Variants in RNF115 observed in about 807,000 individuals in gnomAD.
RNF115 encodes the protein E3 ubiquitin-protein ligase RNF115.
RNF115 carries 31 observed loss-of-function variants against 39.2 expected under a neutral mutation model. The ratio of observed to expected loss-of-function variants is 0.79; its 90% CI spans 0.59 to 1.07. RNF115 has a LOEUF of 1.07. Among genes scored for constraint, RNF115 ranks in the 50% least tolerant of loss-of-function variants. RNF115 has a pLI of 0.00. For synonymous variants in RNF115, 124 were observed against 131.0 expected (o/e 0.95, Z 0.37); for missense variants, 384 against 381.7 (o/e 1.01, Z -0.05).
At chr1:145,795,078 T>C (rs1648905870) in intron 1 of RNF115, among the ~76,000 whole-genome samples, 1 of 151,254 alleles carries the variant, frequency 6.6e-6, no homozygotes, top group African/African-American at 2.4e-5. Context: ...TGTTCAGATG[T>C]GTCTGGGGTT....
chr1:145,767,604 T>TG (rs1232852028), intron 4 of RNF115, among the ~76,000 whole-genome samples: 4 of 152,158 alleles, frequency 2.6e-5, no homozygotes, highest in East Asian at 1.9e-4. Flanking sequence ...CTCGGCACTT[T>TG]GGGGGGCCAA....
At chr1:145,764,832 G>A (rs1473923076) in intron 4 of RNF115, among the ~76,000 whole-genome samples, 1 of 151,174 alleles carries the variant, frequency 6.6e-6, no homozygotes, top group Non-Finnish European at 1.5e-5. Context: ...CAGCCGCCCC[G>A]TCCGGGAGGT....
rs1571707739 is a variant in RNF115, at chr1:145,752,583, C to CCCTTTTTTT, written c.500+394_500+395insAAAAAAAGG. 5.0e-5 allele frequency among the ~76,000 whole-genome samples: 3 copies of CCCTTTTTTT among 60,444 alleles called. No homozygotes were observed. The East Asian group carries it at 2.1e-3, about 41-fold the overall frequency. 39.7% of individuals were successfully genotyped at this position (60,444 alleles called of 152,430 possible). On this transcript the variant is annotated intron_variant, in intron 5 of 8. Coordinates refer to ENST00000582693, the MANE Select transcript of RNF115 (RefSeq NM_014455.4). ...TACATCTACATACTCACCTATGCAGCTCTTTTTTTTTTTTTTTTTTTTTGA... is the reference window on the plus strand; with the variant it reads ...TACATCTACATACTCACCTATGCAGCCCTTTTTTTTCTTTTTTTTTTTTTTTTTTTTTGA...
At chr1:145,790,694 AGTG>A (rs1426124931) in intron 1 of RNF115, among the ~76,000 whole-genome samples, 1 of 152,190 alleles carries the variant, frequency 6.6e-6, no homozygotes, top group South Asian at 2.1e-4. Flanking sequence ...GGCCTCCTAA[AGTG>A]GTGGGATTAC....
At chr1:145,800,966 C>G (rs587709418) in intron 1 of RNF115, among the ~76,000 whole-genome samples, 2 of 152,112 alleles carry the variant, frequency 1.3e-5, no homozygotes, top group African/African-American at 2.4e-5. Context: ...GTCAGGAGAT[C>G]GAGACCATCC....
Position 145,772,907 on chromosome 1 carries a change from T to C in RNF115, c.220-988A>G, listed in dbSNP as rs782034293. ...TCATTTTTCTTCAGTCTTTTAAATG[T>C]GTGCTCTTCAAACTATATAATTTCA... is the stretch of plus-strand genomic sequence containing the variant. On this transcript the variant is annotated intron_variant, in intron 3 of 8. Coordinates refer to ENST00000582693, the MANE Select transcript of RNF115 (RefSeq NM_014455.4). 2.6e-5 allele frequency: 4 copies of C among 152,232 alleles called. No homozygotes were observed. The East Asian group carries it at 7.7e-4, about 29-fold the overall frequency. The allele number at this position is 152,232 out of a possible 1,614,324, so 9.4% of individuals were successfully genotyped here.
chr1:145,817,602 CAT>C (rs1650047385), intron 1 of RNF115, among the ~76,000 whole-genome samples: 1 of 138,428 alleles, frequency 7.2e-6, no homozygotes, highest in African/African-American at 2.6e-5. Flanking sequence ...GTTTTCTACA[CAT>C]ATTTTTTTTG....
intron 1 of RNF115, among the ~76,000 whole-genome samples, chr1:145,813,009 AT>A (rs1482162137): frequency 7.9e-6 from 1 of 126,038 alleles, no homozygotes; most frequent in Non-Finnish European, 1.8e-5. Flanking sequence ...AAAAAGAATA[AT>A]TTTTCAGCAC....
At chr1:145,753,715 T>A (rs139853265) in intron 4 of RNF115, among the ~76,000 whole-genome samples, 41 of 152,272 alleles carry the variant, frequency 2.7e-4, no homozygotes, top group African/African-American at 9.4e-4. Flanking sequence ...CTGGATGATA[T>A]GCAATTTTTT....
At chr1:145,808,996 T>C (rs1304576371) in intron 1 of RNF115, among the ~76,000 whole-genome samples, 2 of 152,202 alleles carry the variant, frequency 1.3e-5, no homozygotes, top group African/African-American at 4.8e-5. Flanking sequence ...ATCAGCTGTT[T>C]ATCTGAAAGG....
intron 3 of RNF115, among the ~76,000 whole-genome samples, chr1:145,774,591 T>C (rs1236493556): frequency 6.6e-6 from 1 of 152,138 alleles, no homozygotes; most frequent in Admixed American, 6.5e-5. Context: ...CCTCAAGTGA[T>C]CCGCCCACCT....
chr1:145,770,705 C>A (rs1484743824), intron 4 of RNF115, among the ~76,000 whole-genome samples: 2 of 152,144 alleles, frequency 1.3e-5, no homozygotes, highest in Non-Finnish European at 2.9e-5. Context: ...AGCAATAGCA[C>A]CTATTACTTC....
At chr1:145,782,844 G>T (rs1190061516) in intron 3 of RNF115, among the ~76,000 whole-genome samples, 1 of 152,222 alleles carries the variant, frequency 6.6e-6, no homozygotes, top group African/African-American at 2.4e-5. Context: ...TCCAGGACTG[G>T]CAAACAGAAT....
chr1:145,743,796 AAAT>A lies in RNF115; in HGVS notation c.*3067_*3069del, dbSNP rs1657766347. 4.2e-4 allele frequency: 20 copies of A among 48,088 alleles called. No homozygotes were observed. Among genetic ancestry groups the A allele is most frequent in the South Asian group, 1.1e-3 (1 of 882 alleles). The allele number at this position is 48,088 out of a possible 1,614,324, so 3.0% of individuals were successfully genotyped here. A position where few individuals can be genotyped will look rare whatever the true frequency, so the allele number is the denominator to read the frequency against. On this transcript the variant is annotated 3_prime_UTR_variant, in exon 9 of 9. Transcript: ENST00000582693. ...CCTCCATCTCAAAAAATAAATAAAT[AAAT>A]AAATAAATAAATAAATAATAATAAT...
chr1:145,750,737 C>T (rs1318252703), intron 6 of RNF115, among the ~76,000 whole-genome samples: 1 of 152,078 alleles, frequency 6.6e-6, no homozygotes, highest in Non-Finnish European at 1.5e-5. Flanking sequence ...ATTGCAAGGC[C>T]CACCTCTAGG....
intron 1 of RNF115, among the ~76,000 whole-genome samples, chr1:145,816,504 A>T (rs1263227215): frequency 3.2e-5 from 3 of 93,398 alleles, no homozygotes; most frequent in East Asian, 3.2e-4. Context: ...ATGTGGCTTT[A>T]AAAAAAAAGG....
chr1:145,773,878 A>T (rs1553716127), intron 3 of RNF115: 1 of 151,902 alleles, frequency 6.6e-6, no homozygotes, highest in African/African-American at 2.4e-5. Context: ...AGAACACAGA[A>T]TCCCTCAGGA....
chr1:145,793,323 TAATAAC>T (rs1648764076), intron 1 of RNF115, among the ~76,000 whole-genome samples: 1 of 152,126 alleles, frequency 6.6e-6, no homozygotes, highest in Non-Finnish European at 1.5e-5. Context: ...TATCAAAAAA[TAATAAC>T]AATAATATAT....
chr1:145,767,741 C>T (rs1479692651), intron 4 of RNF115, among the ~76,000 whole-genome samples: 1 of 152,272 alleles, frequency 6.6e-6, no homozygotes, highest in Non-Finnish European at 1.5e-5. Context: ...GAGGCCGAGG[C>T]TGGCGGATCA....
Sources: allele counts gnomAD v4.1 joint callset (sites outside exome capture counted in the v4.1 genomes callset), GRCh38; gene constraint gnomAD v4.1.1; transcripts MANE v1.5; gene names NCBI Gene and HGNC (gene_info 2026-07-23, HGNC 2026-07-21).